CUL4A: variants seen among roughly 807,000 people sequenced by gnomAD.
CUL4A encodes the protein cullin 4A.
CUL4A carries 16 observed loss-of-function variants against 95.5 expected under a neutral mutation model. The observed-to-expected ratio is 0.17, with a 90% CI of 0.11 to 0.25. The LOEUF (loss-of-function observed/expected upper bound fraction) is 0.25, where lower values mean the gene tolerates loss of function less well. CUL4A is among the 10% of genes least tolerant of loss of function. The pLI, the probability that CUL4A is intolerant of heterozygous loss-of-function variation, is 1.00. For synonymous variants in CUL4A, 380 were observed against 353.1 expected, an observed-to-expected ratio of 1.08 and a Z score of -0.85; for missense variants, 610 against 937.0, an observed-to-expected ratio of 0.65 and a Z score of 4.56.
intron 18 of CUL4A, among the ~76,000 whole-genome samples, chr13:113,257,538 C>T (rs374157064): frequency 1.1e-4 from 16 of 152,192 alleles, no homozygotes; most frequent in Admixed American, 5.9e-4. Flanking sequence ...AGGTGTCTCA[C>T]GTGGCAAAAG....
chr13:113,218,650 T>C (rs1271412285), intron 2 of CUL4A, among the ~76,000 whole-genome samples: 1 of 152,162 alleles, frequency 6.6e-6, no homozygotes, highest in Non-Finnish European at 1.5e-5. Flanking sequence ...GCACCATAGA[T>C]GCTCAGGAGT....
intron 16 of CUL4A, 42 bp from the exon 17 acceptor site, chr13:113,254,651 A>G (rs1566369936): frequency 1.5e-6 from 2 of 1,317,458 alleles, no homozygotes; most frequent in Admixed American, 2.3e-5. Context: ...CAAAGATTGT[A>G]CATGCACAGC....
chr13:113,264,560 G>GTA lies in CUL4A; in HGVS notation c.*985_*986dup, dbSNP rs2042365821. ...TTGTTGGTACCTGGTTTTGTGTTGT[G>GTA]TATATATACATGAGGTTGAACAGTG... On this transcript the variant is annotated 3_prime_UTR_variant, in exon 20 of 20. Coordinates refer to ENST00000375440, the MANE Select transcript of CUL4A (RefSeq NM_001008895.4). The GTA allele has an allele frequency of 6.6e-6, 1 of 152,568 alleles. No individual in the cohort carries two copies. The highest frequency in any genetic ancestry group is 1.5e-5 in the Non-Finnish European group (1 of 68,036). The allele number at this position is 152,568 out of a possible 1,614,324, so 9.5% of individuals were successfully genotyped here.
At position 113,264,355 on chromosome 13, in the gene CUL4A, C is replaced by T. The variant is rs1266367122; in HGVS notation, c.*773C>T. ...CTGTTTTTTTGCATTGGGGTAACTG[C>T]TCTTTGATTTTTTTTAATTGCAGTA... On this transcript the variant is annotated 3_prime_UTR_variant, in exon 20 of 20. Coordinates refer to ENST00000375440, the MANE Select transcript of CUL4A (RefSeq NM_001008895.4). 1 of 152,008 alleles carries T rather than the reference C, an allele frequency of 6.6e-6. No homozygotes were observed. Among genetic ancestry groups the T allele is most frequent in the Non-Finnish European group, 1.5e-5 (1 of 68,026 alleles). 9.4% of individuals were successfully genotyped at this position (152,008 alleles called of 1,614,324 possible). A position where few individuals can be genotyped will look rare whatever the true frequency, so the allele number is the denominator to read the frequency against.
At chr13:113,241,409 C>G (rs1350017186) in intron 10 of CUL4A, among the ~76,000 whole-genome samples, 1 of 151,942 alleles carries the variant, frequency 6.6e-6, no homozygotes, top group Non-Finnish European at 1.5e-5. Context: ...TTTCAAAATG[C>G]AGTTAGCACC....
chr13:113,251,131 T>G (rs1332996524), intron 15 of CUL4A, among the ~76,000 whole-genome samples: 3 of 152,168 alleles, frequency 2.0e-5, no homozygotes, highest in Non-Finnish European at 2.9e-5. Flanking sequence ...CCCTGCCCTG[T>G]GAGCCCCTGT....
At chr13:113,218,914 T>C (rs932674631) in intron 2 of CUL4A, 31 bp from the exon 3 acceptor site, 1 of 1,460,626 alleles carries the variant, frequency 6.8e-7, no homozygotes, top group Non-Finnish European at 9.5e-7. Context: ...TTGTTCATAC[T>C]GAAGAATTGA....
chr13:113,230,510 C>T (rs976899904), intron 5 of CUL4A, among the ~76,000 whole-genome samples: 3 of 152,140 alleles, frequency 2.0e-5, no homozygotes, highest in African/African-American at 4.8e-5. Flanking sequence ...ATGTGGTCTA[C>T]GAGAAGGCAA....
rs1262466545 is a variant in CUL4A, at chr13:113,247,008, C to T, written c.1638+945C>T. ...TTCTGCAGGCTATACAAGCATGGCA[C>T]CTGTGTCTGTGCAACTTCTGATGAG... On this transcript the variant is annotated intron_variant, in intron 15 of 19. Coordinates refer to ENST00000375440, the MANE Select transcript of CUL4A (RefSeq NM_001008895.4). Among the ~76,000 whole-genome samples the T allele has an allele frequency of 3.3e-5, 5 of 152,100 alleles. No individual in the cohort carries two copies. In the East Asian group the frequency reaches 9.6e-4, roughly 29 times the overall value.
intron 5 of CUL4A, among the ~76,000 whole-genome samples, chr13:113,232,517 G>A (rs75849893): frequency 0.01 from 1,543 of 152,314 alleles, 11 homozygotes; most frequent in Non-Finnish European, 0.015. Context: ...CCTTAATGGC[G>A]TACTTGGCCA....
chr13:113,218,768 A>G (rs1016032189), intron 2 of CUL4A, among the ~76,000 whole-genome samples, 177 bp from the exon 3 acceptor site: 1 of 152,260 alleles, frequency 6.6e-6, no homozygotes, highest in South Asian at 2.1e-4. Context: ...GCAGTGTTCC[A>G]ACGAGAAGTG....
intron 15 of CUL4A, among the ~76,000 whole-genome samples, chr13:113,249,774 C>G (rs972584684): frequency 6.6e-6 from 1 of 152,194 alleles, no homozygotes; most frequent in Non-Finnish European, 1.5e-5. Context: ...CTGCCTCTTT[C>G]GTTGTAGCCA....
chr13:113,265,665 G>T lies in CUL4A; in HGVS notation c.*2083G>T, dbSNP rs1303857460. On this transcript the variant is annotated 3_prime_UTR_variant, in exon 20 of 20. Transcript: ENST00000375440. ...GCCTCCCAAAGTGCTGGGATTACAG[G>T]CGTGAGCCACCATGCCCGGCCTGCC... The T allele has an allele frequency of 6.6e-6, 1 of 152,266 alleles. No individual in the cohort carries two copies. The highest frequency in any genetic ancestry group is 1.5e-5 in the Non-Finnish European group (1 of 68,082). 9.4% of individuals were successfully genotyped at this position (152,266 alleles called of 1,614,324 possible). A position where few individuals can be genotyped will look rare whatever the true frequency, so the allele number is the denominator to read the frequency against.
chr13:113,242,467 G>A lies in CUL4A; in HGVS notation c.1036-501G>A, dbSNP rs117055242. Among the ~76,000 whole-genome samples, 142 of 152,252 alleles carry A rather than the reference G, an allele frequency of 9.3e-4. 2 individuals are homozygous for A. In the East Asian group the frequency reaches 0.022, roughly 24 times the overall value. Reference sequence around the variant, plus strand: ...TGTAAGTTCTCTCAGAAACAGAATCGTAAGACCAATGCATTAATTGTGTAT... The same window carrying A: ...TGTAAGTTCTCTCAGAAACAGAATCATAAGACCAATGCATTAATTGTGTAT... On this transcript the variant is annotated intron_variant, in intron 10 of 19. Transcript: ENST00000375440.
At chr13:113,215,368 C>T (rs1416810125) in intron 2 of CUL4A, among the ~76,000 whole-genome samples, 2 of 142,794 alleles carry the variant, frequency 1.4e-5, no homozygotes, top group African/African-American at 5.3e-5. Context: ...ATGGAGGTCA[C>T]GTCGCATGTG....
intron 18 of CUL4A, among the ~76,000 whole-genome samples, chr13:113,260,076 G>T (rs1296678320): frequency 6.7e-6 from 1 of 150,214 alleles, no homozygotes; most frequent in Non-Finnish European, 1.5e-5. Context: ...TGGTGGGGGG[G>T]CACCGTAGTC....
In CUL4A at chr13:113,230,780, T is replaced by TAG. The variant is rs1555301644; in HGVS notation, c.512+1261_512+1262insAG. ...TCAAAAATTATTATTATTATTATTA[T>TAG]TATTTTTAGAGACAGGGTCTCACTC... On this transcript the variant is annotated intron_variant, in intron 5 of 19. Transcript: ENST00000375440. Among the ~76,000 whole-genome samples the TAG allele has an allele frequency of 1.7e-3, 252 of 151,942 alleles. 1 individual carries two copies. Among genetic ancestry groups the TAG allele is most frequent in the East Asian group, 4.1e-3 (21 of 5,162 alleles).
chr13:113,211,208 A>G (rs2040426877), intron 2 of CUL4A, among the ~76,000 whole-genome samples: 1 of 152,232 alleles, frequency 6.6e-6, no homozygotes. Flanking sequence ...AACCTTATCT[A>G]AATGCAGTCA....
At chr13:113,249,876 A>G (rs559772982) in intron 15 of CUL4A, among the ~76,000 whole-genome samples, 2 of 152,132 alleles carry the variant, frequency 1.3e-5, no homozygotes, top group African/African-American at 2.4e-5. Flanking sequence ...GTCCTGATTG[A>G]CCATTTGCGT....
Sources: allele counts gnomAD v4.1 joint callset (sites outside exome capture counted in the v4.1 genomes callset), GRCh38; gene constraint gnomAD v4.1.1; transcripts MANE v1.5; gene names NCBI Gene and HGNC (gene_info 2026-07-23, HGNC 2026-07-21).